Variants in SDHA observed in about 807,000 individuals in gnomAD.
SDHA encodes the protein succinate dehydrogenase [ubiquinone] flavoprotein subunit, mitochondrial.
Under a neutral mutation model 78.4 loss-of-function variants are expected in SDHA, and 48 were observed. That is an observed-to-expected ratio of 0.61 (90% CI 0.49 to 0.78). SDHA has a LOEUF of 0.78. Among genes scored for constraint, SDHA ranks in the 30% least tolerant of loss-of-function variants. SDHA has a pLI of 0.00. For missense variants in SDHA, 680 were observed against 892.7 expected (o/e 0.76, Z 3.04); for synonymous variants, 326 against 353.9 (o/e 0.92, Z 0.88).
Position 235,155 on chromosome 5 carries a change from C to T in SDHA, c.1076C>T (p.Pro359Leu). 1 of 1,613,964 alleles carries T rather than the reference C, an allele frequency of 6.2e-7. No individual in the cohort carries two copies. The highest frequency in any genetic ancestry group is 1.3e-5 in the African/African-American group (1 of 75,048). The change falls in exon 9 of 15, where the codon CCT (proline) becomes CTT (leucine). Residue 359 changes from proline (P) to leucine (L), a missense_variant. Physicochemically the swap from Pro to Leu is moderately conservative, Grantham distance 98. Coordinates refer to ENST00000264932, the MANE Select transcript of SDHA (RefSeq NM_004168.4). ...LEIREGRGCG[P>L]EKDHVYLQLH... ...TTCTGTCTTACCAGAGGCTGTGGCCCTGAGAAAGATCACGTCTACCTGCAG... is the reference window on the plus strand; with the variant it reads ...TTCTGTCTTACCAGAGGCTGTGGCCTTGAGAAAGATCACGTCTACCTGCAG...
chr5:225,735 A>G, intron 4 of SDHA, 148 bp from the exon 5 acceptor site: 1 of 1,356,450 alleles, frequency 7.4e-7, no homozygotes, highest in African/African-American at 1.4e-5. Flanking sequence ...TAACAAGAAA[A>G]CTTCTCTTTG....
chr5:261,696 A>T (rs1737486885), downstream of SDHA, among the ~76,000 whole-genome samples: 1 of 59,166 alleles, frequency 1.7e-5, no homozygotes, highest in Non-Finnish European at 3.0e-5. Context: ...TTACCGTGTG[A>T]GCTCCGCCTC....
Position 228,335 on chromosome 5 carries a change from T to A in SDHA, c.770+2T>A. The A allele has an allele frequency of 1.2e-6, 2 of 1,613,488 alleles. No individual in the cohort carries two copies. The highest frequency in any genetic ancestry group is 1.7e-6 in the Non-Finnish European group (2 of 1,179,444). On this transcript the variant is annotated splice_donor_variant, in intron 6 of 14. Transcript: ENST00000264932. LOFTEE classifies it high-confidence loss of function. ...AAAGAACACTGTTGTTGCCACAGGG[T>A]AGGAATCTCATTTCTACTTTATTTT...
At chr5:241,020 A>G (rs1489371130) in intron 11 of SDHA, among the ~76,000 whole-genome samples, 2 of 152,098 alleles carry the variant, frequency 1.3e-5, no homozygotes, top group Non-Finnish European at 2.9e-5. Context: ...AAACAGCGGT[A>G]GGACGTACTC....
At chr5:264,313 T>C in the SDHA span, among the ~76,000 whole-genome samples, 31,112 of 152,138 alleles carry the variant, frequency 0.2, 4,382 homozygotes, top group African/African-American at 0.4. Context: ...CCTTGGATTG[T>C]CTTCTGCAGG....
Position 245,426 on chromosome 5 carries a change from G to A in SDHA, c.1551+4950G>A, listed in dbSNP as rs934725045. Among the ~76,000 whole-genome samples the A allele has an allele frequency of 3.3e-5, 5 of 152,184 alleles. No homozygotes were observed. The East Asian group carries it at 5.8e-4, about 18-fold the overall frequency. ...GTAAACAACCTGCAGCCTGCTAAGC[G>A]TTTTCATTGGAAAGTGTTGCGACAA... On this transcript the variant is annotated intron_variant, in intron 11 of 14. Coordinates refer to ENST00000264932, the MANE Select transcript of SDHA (RefSeq NM_004168.4).
intron 14 of SDHA, among the ~76,000 whole-genome samples, chr5:256,042 A>C (rs1737160199): frequency 6.6e-6 from 1 of 152,218 alleles, no homozygotes; most frequent in Admixed American, 6.5e-5. Context: ...TGGTGCTCAG[A>C]AAGTTTCAGA....
chr5:268,035 G>A, the SDHA span, among the ~76,000 whole-genome samples: 4 of 152,182 alleles, frequency 2.6e-5, no homozygotes, highest in Non-Finnish European at 5.9e-5. Flanking sequence ...GTACTGACAG[G>A]ATTCAGAGCT....
chr5:245,675 A>G (rs1736399488), intron 11 of SDHA, among the ~76,000 whole-genome samples: 1 of 152,140 alleles, frequency 6.6e-6, no homozygotes, highest in African/African-American at 2.4e-5. Context: ...ACTACTCTTT[A>G]CTCCTACTTG....
chr5:241,728 A>C (rs1290510148), intron 11 of SDHA, among the ~76,000 whole-genome samples: 1 of 152,184 alleles, frequency 6.6e-6, no homozygotes, highest in African/African-American at 2.4e-5. Flanking sequence ...TAGGTGTCTA[A>C]CACCTATGTG....
chr5:236,510 G>T lies in SDHA; in HGVS notation c.1343G>T (p.Gly448Val), dbSNP rs746065356. The part of the protein sequence containing the change: ...CGEAACASVH[G>V]ANRLGANSLL... ...GAGGCCGCCTGTGCCTCGGTACATG[G>T]TGCCAACCGCCTCGGGGCAAACTCG... The change falls in exon 10 of 15, where the codon GGT becomes GTT. Residue 448 changes from glycine to valine, a missense_variant. Physicochemically the swap from Gly to Val is moderately radical, Grantham distance 109 (BLOSUM62 -3). Coordinates refer to ENST00000264932, the MANE Select transcript of SDHA (RefSeq NM_004168.4). 1 of 1,614,044 alleles carries T rather than the reference G, an allele frequency of 6.2e-7. No homozygotes were observed. Among genetic ancestry groups the T allele is most frequent in the East Asian group, 2.2e-5 (1 of 44,886 alleles).
intron 9 of SDHA, chr5:236,102 G>A: frequency 2.6e-6 from 1 of 386,476 alleles, no homozygotes; most frequent in Non-Finnish European, 5.0e-6. Flanking sequence ...TCAGCTCACT[G>A]CAACCTCTGC....
intron 9 of SDHA, chr5:236,147 C>T (rs1735762933): frequency 4.5e-6 from 2 of 448,918 alleles, no homozygotes; most frequent in Non-Finnish European, 8.3e-6. Flanking sequence ...GCCTCAGCCT[C>T]CCTAGTAGCT....
chr5:257,645 C>T (rs1334743249), downstream of SDHA, among the ~76,000 whole-genome samples: 3 of 120,740 alleles, frequency 2.5e-5, 1 homozygote, highest in Admixed American at 1.6e-4. Context: ...GCTCCACCCC[C>T]TGCCAGAGCA....
intron 11 of SDHA, chr5:250,345 G>A (rs1353156539): frequency 1.3e-5 from 2 of 156,096 alleles, no homozygotes; most frequent in Admixed American, 1.2e-4. Flanking sequence ...GGAAGCAAAA[G>A]CTGACGCCTA....
chr5:246,769 C>T (rs1736492710), intron 11 of SDHA, among the ~76,000 whole-genome samples: 1 of 152,222 alleles, frequency 6.6e-6, no homozygotes, highest in Non-Finnish European at 1.5e-5. Flanking sequence ...ATGGCTTTTT[C>T]TTCCACATAC....
chr5:241,703 A>T (rs1034738828), intron 11 of SDHA, among the ~76,000 whole-genome samples: 2 of 152,252 alleles, frequency 1.3e-5, no homozygotes, highest in Admixed American at 6.5e-5. Flanking sequence ...CCATTGCTTT[A>T]GTCCTATTCT....
chr5:261,650 A>T (rs1477296754), downstream of SDHA, among the ~76,000 whole-genome samples: 1 of 89,444 alleles, frequency 1.1e-5, no homozygotes, highest in Non-Finnish European at 2.1e-5. Flanking sequence ...CTCCCCACAG[A>T]GCATTACCGT....
In SDHA at chr5:251,013, G is replaced by A. The variant is rs979815942; in HGVS notation, c.1573G>A (p.Val525Met). Residue 525 changes from valine to methionine, a missense_variant, in exon 12 of 15, where the codon GTG becomes ATG. Val to Met is a conservative substitution (Grantham distance 21, BLOSUM62 1). Transcript: ENST00000264932. ...MQKSMQNHAA[V>M]FRVGSVLQEG... ...ACAGTCAATGCAAAATCATGCTGCC[G>A]TGTTCCGTGTGGGAAGCGTGTTGCA... 8.7e-6 allele frequency: 14 copies of A among 1,611,836 alleles called. No homozygotes were observed. Among genetic ancestry groups the A allele is most frequent in the African/African-American group, 4.0e-5 (3 of 74,842 alleles).
Sources: allele counts gnomAD v4.1 joint callset (sites outside exome capture counted in the v4.1 genomes callset), GRCh38; gene constraint gnomAD v4.1.1; transcripts MANE v1.5; gene names NCBI Gene and HGNC (gene_info 2026-07-23, HGNC 2026-07-21).